The following FLT4 variants were observed in gnomAD, a reference collection of about 807,000 sequenced individuals.
The protein encoded by FLT4 is fms related receptor tyrosine kinase 4.
A neutral mutation model predicts 163.2 loss-of-function variants in FLT4; 30 were observed. The ratio of observed to expected loss-of-function variants is 0.18; its 90% CI spans 0.14 to 0.25. The LOEUF is 0.25. Ranked by LOEUF, FLT4 falls within the 10% of genes least tolerant of loss-of-function variation. The pLI, the probability that FLT4 is intolerant of heterozygous loss-of-function variation, is 1.00. For missense variants in FLT4, 1,510 were observed against 1,863.8 expected (o/e 0.81, Z 3.50); for synonymous variants, 884 against 789.5 (o/e 1.12, Z -2.01).
At position 180,628,860 on chromosome 5, in the gene FLT4, G is replaced by A. The variant is rs374672934; in HGVS notation, c.1103+22C>T. 41 of 1,520,728 alleles carry A rather than the reference G, an allele frequency of 2.7e-5. 1 individual carries two copies. Among genetic ancestry groups the A allele is most frequent in the Admixed American group, 2.6e-4 (15 of 58,688 alleles). 94.2% of individuals were successfully genotyped at this position (1,520,728 alleles called of 1,614,324 possible). On this transcript the variant is annotated intron_variant, in intron 8 of 29. Coordinates refer to ENST00000261937, the MANE Select transcript of FLT4 (RefSeq NM_182925.5). ...GACTTGGAAGGGTATCGGCGGGGTCGGTGGGGAGCCAGGGCTGTTACCACT... is the reference window on the plus strand; with the variant it reads ...GACTTGGAAGGGTATCGGCGGGGTCAGTGGGGAGCCAGGGCTGTTACCACT...
chr5:180,642,705 C>T (rs560315919), intron 1 of FLT4, among the ~76,000 whole-genome samples: 16 of 152,246 alleles, frequency 1.1e-4, no homozygotes, highest in African/African-American at 3.6e-4. Context: ...ACTGGAAGCA[C>T]GGAGCTCACA....
At chr5:180,611,629 CCTGCCCTCAGCCCTCGCT>C (rs1405028111) in intron 26 of FLT4, 150 bp from the exon 27 acceptor site, 6 of 835,852 alleles carry the variant, frequency 7.2e-6, no homozygotes, top group South Asian at 4.9e-5. Flanking sequence ...CCGCCCTCGC[CCTGCCCTCAGCCCTCGCT>C]CTGCCCTCGG....
rs369300300 is a variant in FLT4 at position 180,630,747 on chromosome 5, T to G, written c.208A>C (p.Thr70Pro). 5.0e-6 allele frequency: 8 copies of G among 1,609,904 alleles called. No homozygotes were observed. In the African/African-American group the frequency reaches 8.0e-5, roughly 16 times the overall value. ...GTGTCCTCGCTGTCCTTGTCTCCGG[T>G]GGCTGGCGCCTCCTGAGCTCCTGGC... ...AWPGAQEAPATGDKDSEDTGV... is the reference protein window; with the variant it reads ...AWPGAQEAPAPGDKDSEDTGV... The change falls in exon 3 of 30, where the codon ACC (threonine) becomes CCC (proline). Residue 70 changes from threonine (T) to proline (P), a missense_variant. Physicochemically the swap from Thr to Pro is conservative, Grantham distance 38. This residue lies in a region of FLT4 where 157 missense variants were observed against 178.7 expected (regional missense o/e 0.88). Transcript: ENST00000261937. This position sits in a 1 kb window ranked among gnomAD's most constrained non-coding sequence, Gnocchi z 6.3.
chr5:180,644,297 G>A (rs773127233), intron 1 of FLT4, among the ~76,000 whole-genome samples: 83 of 152,242 alleles, frequency 5.5e-4, no homozygotes, highest in African/African-American at 1.0e-3. Flanking sequence ...ACAGGGTACC[G>A]GGAGGGTGGA....
rs530619816 is a variant in FLT4 at position 180,623,730 on chromosome 5, C to T, written c.1548+205G>A. On this transcript the variant is annotated intron_variant, in intron 11 of 29. Coordinates refer to ENST00000261937, the MANE Select transcript of FLT4 (RefSeq NM_182925.5). The surrounding 1 kb of genome is among the most constrained non-coding windows in gnomAD (Gnocchi z 5.8). ...CTTGTCTGGGAAGCCGCCAGAGGTC[C>T]GCCCTCCATCACAAAGCCGGAGACT... Among the ~76,000 whole-genome samples the T allele has an allele frequency of 9.9e-5, 15 of 152,260 alleles. No individual in the cohort carries two copies. The highest frequency in any genetic ancestry group is 3.9e-4 in the Admixed American group (6 of 15,302).
Position 180,624,296 on chromosome 5 carries a change from A to G in FLT4, c.1422-235T>C, listed in dbSNP as rs307825. ...GGCTGGACTGCAATGGCACAATCTC[A>G]GCTCACCGAAACCTCCGCCTCCTGG... is the stretch of plus-strand genomic sequence containing the variant. On this transcript the variant is annotated intron_variant, in intron 10 of 29. Coordinates refer to ENST00000261937, the MANE Select transcript of FLT4 (RefSeq NM_182925.5). 0.89 allele frequency among the ~76,000 whole-genome samples: 133,192 copies of G among 150,196 alleles called. 59,952 individuals are homozygous for G. The highest frequency in any genetic ancestry group is 0.97 in the Non-Finnish European group (65,515 of 67,738).
Position 180,630,833 on chromosome 5 carries a change from A to G in FLT4, c.156-34T>C, listed in dbSNP as rs1169837053. 6.3e-7 allele frequency: 1 copy of G among 1,578,814 alleles called. No homozygotes were observed. The highest frequency in any genetic ancestry group is 1.7e-5 in the Admixed American group (1 of 58,110). On this transcript the variant is annotated intron_variant, in intron 2 of 29. Transcript: ENST00000261937. The surrounding 1 kb of genome is among the most constrained non-coding windows in gnomAD (Gnocchi z 6.3). ...GGACAGGAGTGGTCAGGTGGGCCCC[A>G]GGGCAGCCCATGGGGACTGTCCCTG...
Position 180,619,372 on chromosome 5 carries a change from G to A in FLT4, c.2648-6C>T, listed in dbSNP as rs552520968. 5.6e-6 allele frequency: 9 copies of A among 1,601,576 alleles called. No homozygotes were observed. Among genetic ancestry groups the A allele is most frequent in the South Asian group, 3.3e-5 (3 of 90,838 alleles). On this transcript the variant is annotated splice_polypyrimidine_tract_variant and splice_region_variant and intron_variant, in intron 18 of 29. Transcript: ENST00000261937. Reference sequence around the variant, plus strand: ...CTCGCTGGCCGTGGCGCCCTCTGGAGGGGACACGGGCCTCACACCGGCCCC... The same window carrying A: ...CTCGCTGGCCGTGGCGCCCTCTGGAAGGGACACGGGCCTCACACCGGCCCC...
intron 28 of FLT4, chr5:180,609,606 G>C (rs572300399): frequency 2.4e-6 from 1 of 425,420 alleles, no homozygotes; most frequent in African/African-American, 2.0e-5. Context: ...AGCGCTCACT[G>C]ACCAGGCCCG....
intron 29 of FLT4, among the ~76,000 whole-genome samples, chr5:180,605,480 T>C (rs768023994): frequency 1.6e-4 from 25 of 152,216 alleles, no homozygotes; most frequent in Non-Finnish European, 2.5e-4. Context: ...ACTCTAATAC[T>C]GTCTTATTCC....
rs768332977 is a variant in FLT4, at chr5:180,622,927, CA to C, written c.1549-89del. Reference sequence around the variant, plus strand: ...TTTCTGCAAGGAGGTCGCTGTGCACCACCCCCCCCAATCATGGGGGAAACTG... The same window carrying C: ...TTTCTGCAAGGAGGTCGCTGTGCACCCCCCCCCCAATCATGGGGGAAACTG... On this transcript the variant is annotated intron_variant, in intron 11 of 29. Coordinates refer to ENST00000261937, the MANE Select transcript of FLT4 (RefSeq NM_182925.5). 0.15 allele frequency: 66,427 copies of C among 447,304 alleles called. 839 individuals carry two copies. The highest frequency in any genetic ancestry group is 0.3 in the East Asian group (2,926 of 9,620). 27.7% of individuals were successfully genotyped at this position (447,304 alleles called of 1,614,324 possible).
chr5:180,629,831 G>A lies in FLT4; in HGVS notation c.681C>T (p.Asn227=), dbSNP rs748066023. The A allele has an allele frequency of 1.2e-5, 20 of 1,612,398 alleles. No individual in the cohort carries two copies. The highest frequency in any genetic ancestry group is 5.3e-5 in the African/African-American group (4 of 74,904). ...SNPFLVHITG[N]ELYDIQLLPR... ...GCAACAGCTGGATGTCATAGAGCTC[G>A]TTGCCTGTTGACACGCACACAGTGA... The change falls in exon 6 of 30, where the codon AAC becomes AAT. Residue 227 remains asparagine (N), a synonymous_variant. Transcript: ENST00000261937.
Position 180,628,963 on chromosome 5 carries a change from G to A in FLT4, c.1022C>T (p.Pro341Leu), listed in dbSNP as rs1244634915. 2 of 1,612,594 alleles carry A rather than the reference G, an allele frequency of 1.2e-6. No homozygotes were observed. The highest frequency in any genetic ancestry group is 1.3e-5 in the African/African-American group (1 of 74,928). ...PFISVEWLKG[P>L]ILEATAGDEL... ...GTCTCCTGCCGTGGCCTCCAGGATG[G>A]GTCCTTTGAGCCACTCGACGCTGAT... The change falls in exon 8 of 30, where the codon CCC (proline) becomes CTC (leucine). Residue 341 changes from proline (P) to leucine (L), a missense_variant. Pro to Leu is a moderately conservative substitution (Grantham distance 98). This residue lies in a region of FLT4 where 878 missense variants were observed against 1,016.7 expected (regional missense o/e 0.86). Coordinates refer to ENST00000261937, the MANE Select transcript of FLT4 (RefSeq NM_182925.5).
In FLT4 at chr5:180,608,659, G is replaced by A. The variant is rs756193997; in HGVS notation, c.3893+309C>T. The stretch of plus-strand genomic sequence containing the variant: ...GCTGGGGTGGCCTCCCCAACCTGGA[G>A]GAGAGTGTGTGTGCCCTGGGCATGG... On this transcript the variant is annotated intron_variant, in intron 29 of 29. Transcript: ENST00000261937. Among the ~76,000 whole-genome samples, 3 of 152,138 alleles carry A rather than the reference G, an allele frequency of 2.0e-5. 1 individual carries two copies. The South Asian group carries it at 6.2e-4, about 32-fold the overall frequency.
chr5:180,604,175 C>T (rs989329905), intron 29 of FLT4, among the ~76,000 whole-genome samples: 1 of 152,262 alleles, frequency 6.6e-6, no homozygotes, highest in Admixed American at 6.5e-5. Flanking sequence ...GGAGCTCTGT[C>T]CCTACCTAGC....
At chr5:180,604,238 ACT>A (rs1761669515) in intron 29 of FLT4, among the ~76,000 whole-genome samples, 1 of 151,894 alleles carries the variant, frequency 6.6e-6, no homozygotes, top group Non-Finnish European at 1.5e-5. Flanking sequence ...CCCAGTTCTC[ACT>A]CTGTCTTGCC....
At chr5:180,646,235 A>C (rs979970529) in intron 1 of FLT4, among the ~76,000 whole-genome samples, 1 of 152,062 alleles carries the variant, frequency 6.6e-6, no homozygotes, top group Non-Finnish European at 1.5e-5. Context: ...ATTATCCTTG[A>C]AGCCAGAGAC....
At chr5:180,612,927 C>G (rs367843813) in intron 25 of FLT4, 84 bp downstream of exon 25, 1 of 1,079,310 alleles carries the variant, frequency 9.3e-7, no homozygotes, top group East Asian at 2.4e-5. Context: ...CCTGGCTTCC[C>G]TGATGCCACC....
rs2127810724 is a variant in FLT4, at chr5:180,620,212, C to T, written c.2503G>A (p.Ala835Thr). 1 of 1,610,742 alleles carries T rather than the reference C, an allele frequency of 6.2e-7. No homozygotes were observed. Among genetic ancestry groups the T allele is most frequent in the South Asian group, 1.1e-5 (1 of 91,074 alleles). ...EEQCEYLSYD[A>T]SQWEFPRERL... is the part of the protein sequence containing the mutation. ...TCTCGGGGGAATTCCCACTGGCTGG[C>T]ATCGTAGGACAGGTATTCGCATTGC... The change falls in exon 17 of 30, where the codon GCC (alanine) becomes ACC (threonine). Residue 835 changes from alanine (A) to threonine (T), a missense_variant. By Grantham distance (58) the Ala-to-Thr change is moderately conservative (BLOSUM62 0). Transcript: ENST00000261937. The surrounding 1 kb of genome is among the most constrained non-coding windows in gnomAD (Gnocchi z 4.4).
Sources: allele counts gnomAD v4.1 joint callset (sites outside exome capture counted in the v4.1 genomes callset), GRCh38; gene constraint gnomAD v4.1.1; regional missense constraint gnomAD v4.1.1; non-coding constraint Gnocchi (gnomAD v3.1); transcripts MANE v1.5; gene names NCBI Gene and HGNC (gene_info 2026-07-23, HGNC 2026-07-21).